Variants in TMPRSS11E observed in about 807,000 individuals in gnomAD.
TMPRSS11E encodes the protein transmembrane serine protease 11E, also known as transmembrane protease serine 11E.
TMPRSS11E carries 38 observed loss-of-function variants against 48.1 expected under a neutral mutation model. That is an observed-to-expected ratio of 0.79 (90% CI 0.61 to 1.04). TMPRSS11E has a LOEUF of 1.04. Among genes scored for constraint, TMPRSS11E ranks in the 50% least tolerant of loss-of-function variants. TMPRSS11E has a pLI of 0.00. For missense variants in TMPRSS11E, 530 were observed against 510.8 expected (o/e 1.04, Z -0.36); for synonymous variants, 158 against 171.9 (o/e 0.92, Z 0.63).
chr4:68,476,580 TA>T, intron 7 of TMPRSS11E, 142 bp downstream of exon 7: 1 of 794,610 alleles, frequency 1.3e-6, no homozygotes, highest in South Asian at 2.7e-5. Context: ...GGATCATTTG[TA>T]AACATTAGTA....
Position 68,468,874 on chromosome 4 carries a change from A to G in TMPRSS11E, c.259-5A>G. On this transcript the variant is annotated splice_polypyrimidine_tract_variant and splice_region_variant and intron_variant, in intron 3 of 9. Transcript: ENST00000305363. Reference sequence around the variant, plus strand: ...CTGATATATTTTGAATATTTTTACAAACAGGTGAAAAATGCATTTTATAAA... The same window carrying G: ...CTGATATATTTTGAATATTTTTACAGACAGGTGAAAAATGCATTTTATAAA... The G allele has an allele frequency of 6.3e-7, 1 of 1,584,792 alleles. No individual in the cohort carries two copies. The highest frequency in any genetic ancestry group is 8.7e-7 in the Non-Finnish European group (1 of 1,153,924).
intron 3 of TMPRSS11E, 120 bp from the exon 4 acceptor site, chr4:68,468,757 CTG>C (rs1429534317): frequency 2.2e-5 from 17 of 783,412 alleles, no homozygotes; most frequent in Admixed American, 4.1e-5. Flanking sequence ...GTTCCACTCA[CTG>C]TGAAATGTCA....
At chr4:68,468,856 A>G in intron 3 of TMPRSS11E, 23 bp from the exon 4 acceptor site, 1 of 1,490,922 alleles carries the variant, frequency 6.7e-7, no homozygotes, top group Non-Finnish European at 9.4e-7. Context: ...TTGCTGATAT[A>G]TTTTGAATAT....
At chr4:68,479,567 G>T (rs1041998124) in intron 9 of TMPRSS11E, among the ~76,000 whole-genome samples, 7 of 149,674 alleles carry the variant, frequency 4.7e-5, no homozygotes, top group Non-Finnish European at 1.0e-4. Context: ...GTGGAGTATA[G>T]AATAAAAAAC....
Position 68,489,078 on chromosome 4 carries a change from A to T in TMPRSS11E, c.1111-7565A>T, listed in dbSNP as rs146891753. On this transcript the variant is annotated intron_variant, in intron 9 of 9. Transcript: ENST00000305363. The stretch of plus-strand genomic sequence containing the variant: ...CTTTTAGAGTTACCAGAGTTCTTGC[A>T]TTGGTTCTTTCTCATCTGTGTGTGT... Among the ~76,000 whole-genome samples the T allele has an allele frequency of 2.1e-3, 319 of 152,252 alleles. 7 individuals carry two copies. The highest frequency in any genetic ancestry group is 1.3e-3 in the Non-Finnish European group (87 of 68,010).
intron 6 of TMPRSS11E, among the ~76,000 whole-genome samples, 197 bp downstream of exon 6, chr4:68,474,958 T>C (rs1345522338): frequency 6.6e-6 from 1 of 152,084 alleles, no homozygotes; most frequent in Non-Finnish European, 1.5e-5. Flanking sequence ...TGAGATAACT[T>C]TGGAGTGGAT....
intron 5 of TMPRSS11E, 130 bp downstream of exon 5, chr4:68,471,753 G>A (rs1214125405): frequency 3.3e-6 from 2 of 599,082 alleles, no homozygotes; most frequent in Admixed American, 3.8e-5. Context: ...TATTTCTTTG[G>A]AACTAAATTT....
At chr4:68,474,877 T>C in intron 6 of TMPRSS11E, 116 bp downstream of exon 6, 1 of 838,004 alleles carries the variant, frequency 1.2e-6, no homozygotes, top group East Asian at 2.7e-5. Flanking sequence ...AAAGTTTGAT[T>C]AATTTGTGTA....
At chr4:68,495,286 A>C (rs543069883) in intron 9 of TMPRSS11E, among the ~76,000 whole-genome samples, 1 of 152,014 alleles carries the variant, frequency 6.6e-6, no homozygotes, top group African/African-American at 2.4e-5. Flanking sequence ...GTATACTGCT[A>C]TCTCTTTAAA....
intron 6 of TMPRSS11E, among the ~76,000 whole-genome samples, chr4:68,475,328 G>T (rs2603184): frequency 0.94 from 143,071 of 152,054 alleles, 67,848 homozygotes; most frequent in Non-Finnish European, 1. Flanking sequence ...ATTTTTCTTC[G>T]CCTATAGCCA....
chr4:68,463,906 C>A (rs1728859708), intron 2 of TMPRSS11E, among the ~76,000 whole-genome samples: 1 of 152,162 alleles, frequency 6.6e-6, no homozygotes, highest in Admixed American at 6.5e-5. Flanking sequence ...AGGGGCTAAT[C>A]ACCTCAGTGA....
intron 1 of TMPRSS11E, among the ~76,000 whole-genome samples, chr4:68,460,174 G>A (rs992436782): frequency 6.6e-6 from 1 of 152,006 alleles, no homozygotes; most frequent in Admixed American, 6.6e-5. Flanking sequence ...CCTTTCCCAG[G>A]GACAGGATTA....
At chr4:68,496,542 T>C in intron 9 of TMPRSS11E, 101 bp from the exon 10 acceptor site, 2 of 1,218,464 alleles carry the variant, frequency 1.6e-6, no homozygotes, top group Non-Finnish European at 2.3e-6. Flanking sequence ...CGGAATACTT[T>C]TGAAAATTAC....
At chr4:68,468,102 G>A (rs1728972268) in intron 3 of TMPRSS11E, among the ~76,000 whole-genome samples, 1 of 152,044 alleles carries the variant, frequency 6.6e-6, no homozygotes, top group Admixed American at 6.6e-5. Flanking sequence ...TGCAAGAAGT[G>A]TCCTTAGTAA....
intron 1 of TMPRSS11E, among the ~76,000 whole-genome samples, chr4:68,450,676 T>A (rs148605752): frequency 5.5e-4 from 83 of 152,026 alleles, no homozygotes; most frequent in African/African-American, 1.8e-3. Flanking sequence ...GAGGTGTAAT[T>A]TTACTTTCAT....
At chr4:68,484,960 T>C (rs746665710) in intron 9 of TMPRSS11E, among the ~76,000 whole-genome samples, 4 of 152,174 alleles carry the variant, frequency 2.6e-5, no homozygotes, top group Admixed American at 6.5e-5. Context: ...GCCTAATTGC[T>C]TTGGTCAAAA....
intron 9 of TMPRSS11E, among the ~76,000 whole-genome samples, chr4:68,495,366 T>A (rs1051238151): frequency 7.2e-5 from 11 of 152,236 alleles, no homozygotes; most frequent in South Asian, 4.1e-4. Context: ...TTCTCTTGTA[T>A]CTTCTATTTC....
At chr4:68,492,380 C>CATTTT (rs1428691145) in intron 9 of TMPRSS11E, among the ~76,000 whole-genome samples, 1 of 152,128 alleles carries the variant, frequency 6.6e-6, no homozygotes, top group Non-Finnish European at 1.5e-5. Flanking sequence ...CATATTCTTA[C>CATTTT]CTGAGGTTGA....
chr4:68,458,698 A>G lies in TMPRSS11E; in HGVS notation c.12-3123A>G, dbSNP rs189979234. ...CAGTATTGAATCACTTACTGAGAAA[A>G]TAAAAAAGTAACTAAGAAATAGGAT... is the stretch of plus-strand genomic sequence containing the variant. On this transcript the variant is annotated intron_variant, in intron 1 of 9. Coordinates refer to ENST00000305363, the MANE Select transcript of TMPRSS11E (RefSeq NM_014058.4). Among the ~76,000 whole-genome samples the G allele has an allele frequency of 2.1e-4, 32 of 152,300 alleles. No homozygotes were observed. In the East Asian group the frequency reaches 5.0e-3, roughly 24 times the overall value.
Sources: allele counts gnomAD v4.1 joint callset (sites outside exome capture counted in the v4.1 genomes callset), GRCh38; gene constraint gnomAD v4.1.1; transcripts MANE v1.5; gene names NCBI Gene and HGNC (gene_info 2026-07-23, HGNC 2026-07-21).